ERBB4: variants seen among roughly 807,000 people sequenced by gnomAD.
ERBB4 encodes the protein receptor tyrosine-protein kinase erbB-4.
A neutral mutation model predicts 158.0 loss-of-function variants in ERBB4; 42 were observed. The observed-to-expected ratio is 0.27, with a 90% CI of 0.21 to 0.34. ERBB4 has a LOEUF of 0.34. Ranked by LOEUF, ERBB4 falls within the 10% of genes least tolerant of loss-of-function variation. The pLI, the probability that ERBB4 is intolerant of heterozygous loss-of-function variation, is 1.00. For synonymous variants in ERBB4, 583 were observed against 558.7 expected (o/e 1.04, Z -0.61); for missense variants, 1,333 against 1,624.1 (o/e 0.82, Z 3.08).
chr2:212,267,412 CA>C (rs1245378062), intron 1 of ERBB4, among the ~76,000 whole-genome samples: 1 of 151,426 alleles, frequency 6.6e-6, no homozygotes, highest in Non-Finnish European at 1.5e-5. Flanking sequence ...AAAACAAGAA[CA>C]AAAAACTTCT....
chr2:211,407,141 C>A (rs1028805831), intron 25 of ERBB4, among the ~76,000 whole-genome samples: 3 of 152,010 alleles, frequency 2.0e-5, no homozygotes, highest in Non-Finnish European at 4.4e-5. Flanking sequence ...ATTTAATAAA[C>A]TAATAAATAT....
intron 1 of ERBB4, among the ~76,000 whole-genome samples, chr2:212,454,987 A>G (rs1688207161): frequency 6.6e-6 from 1 of 152,196 alleles, no homozygotes; most frequent in Non-Finnish European, 1.5e-5. Context: ...CAAAGTGTCA[A>G]TATTATTATG....
At chr2:212,178,325 A>G (rs536066988) in intron 1 of ERBB4, among the ~76,000 whole-genome samples, 1 of 151,726 alleles carries the variant, frequency 6.6e-6, no homozygotes, top group South Asian at 2.1e-4. Flanking sequence ...AGAGGACACT[A>G]AAGGATTTCA....
At chr2:211,473,729 G>A (rs1205389803) in intron 20 of ERBB4, among the ~76,000 whole-genome samples, 3 of 151,976 alleles carry the variant, frequency 2.0e-5, no homozygotes, top group African/African-American at 7.3e-5. Flanking sequence ...GGGAGCCAGG[G>A]AGATGGGAGC....
At chr2:211,550,016 T>G (rs1343502013) in intron 20 of ERBB4, among the ~76,000 whole-genome samples, 1 of 152,118 alleles carries the variant, frequency 6.6e-6, no homozygotes, top group African/African-American at 2.4e-5. Context: ...TTTCCCCAGC[T>G]TTATTGGGGT....
At chr2:211,861,484 C>T (rs1041002227) in intron 3 of ERBB4, among the ~76,000 whole-genome samples, 10 of 150,890 alleles carry the variant, frequency 6.6e-5, no homozygotes, top group African/African-American at 1.5e-4. Context: ...ATTACAGACA[C>T]GAGTCACTAC....
At chr2:212,247,649 T>A (rs2084360806) in intron 1 of ERBB4, among the ~76,000 whole-genome samples, 1 of 152,154 alleles carries the variant, frequency 6.6e-6, no homozygotes, top group Admixed American at 6.6e-5. Flanking sequence ...ATTTAATATT[T>A]TATCATAGTA....
chr2:211,476,446 T>C (rs919798794), intron 20 of ERBB4, among the ~76,000 whole-genome samples: 8 of 151,968 alleles, frequency 5.3e-5, no homozygotes, highest in African/African-American at 1.9e-4. Flanking sequence ...GGGAAGGATT[T>C]ATTGGGTTTG....
intron 19 of ERBB4, among the ~76,000 whole-genome samples, chr2:211,608,262 A>G (rs1193361309): frequency 6.6e-6 from 1 of 152,166 alleles, no homozygotes. Flanking sequence ...GCTGAAGGAA[A>G]TCAGAAGAAA....
intron 1 of ERBB4, among the ~76,000 whole-genome samples, chr2:212,301,970 C>A (rs1328518808): frequency 1.3e-5 from 2 of 151,386 alleles, no homozygotes; most frequent in East Asian, 1.9e-4. Context: ...GCAGGGGTAT[C>A]CTATGTCACT....
chr2:212,094,421 C>T (rs1399977245), intron 2 of ERBB4, among the ~76,000 whole-genome samples: 2 of 150,698 alleles, frequency 1.3e-5, no homozygotes, highest in Non-Finnish European at 3.0e-5. Flanking sequence ...TTCATAATTA[C>T]TCTATTTTTA....
chr2:211,950,256 G>A (rs1367304108), intron 2 of ERBB4, among the ~76,000 whole-genome samples: 2 of 152,120 alleles, frequency 1.3e-5, no homozygotes, highest in Non-Finnish European at 2.9e-5. Context: ...AGGAATAGGT[G>A]GTCCAGGTGT....
At chr2:212,006,216 G>GA (rs1314872417) in intron 2 of ERBB4, among the ~76,000 whole-genome samples, 2 of 151,854 alleles carry the variant, frequency 1.3e-5, no homozygotes, top group South Asian at 2.1e-4. Flanking sequence ...TATTCTTTGA[G>GA]AAAAAATAAC....
intron 20 of ERBB4, among the ~76,000 whole-genome samples, chr2:211,469,363 G>A (rs2064775999): frequency 6.6e-6 from 1 of 152,134 alleles, no homozygotes; most frequent in Non-Finnish European, 1.5e-5. Flanking sequence ...TGGTAAATAA[G>A]ACACACTTTC....
At chr2:211,772,848 T>TACACACAC (rs2075736543) in intron 4 of ERBB4, among the ~76,000 whole-genome samples, 1 of 64,308 alleles carries the variant, frequency 1.6e-5, no homozygotes, top group South Asian at 6.3e-4. Flanking sequence ...CATATATATA[T>TACACACAC]ATATATATAT....
chr2:211,656,814 T>C (rs2071234505), intron 16 of ERBB4, among the ~76,000 whole-genome samples: 1 of 152,198 alleles, frequency 6.6e-6, no homozygotes, highest in Non-Finnish European at 1.5e-5. Context: ...GTTTGTTCCT[T>C]TTTATTCTAT....
At chr2:211,769,386 C>T (rs868802786) in intron 4 of ERBB4, among the ~76,000 whole-genome samples, 3 of 152,166 alleles carry the variant, frequency 2.0e-5, no homozygotes, top group Non-Finnish European at 4.4e-5. Context: ...TGCCTGTTGT[C>T]CATTTCCAAA....
intron 25 of ERBB4, among the ~76,000 whole-genome samples, chr2:211,409,924 A>C (rs1474580751): frequency 6.6e-6 from 1 of 152,226 alleles, no homozygotes; most frequent in Non-Finnish European, 1.5e-5. Context: ...CTCCGCGAGT[A>C]CATAGTTACT....
chr2:212,253,412 C>A (rs938480327), intron 1 of ERBB4, among the ~76,000 whole-genome samples: 5 of 151,834 alleles, frequency 3.3e-5, no homozygotes, highest in African/African-American at 1.2e-4. Context: ...TATCAGTTTT[C>A]TCATTACTTT....
Sources: allele counts gnomAD v4.1 joint callset (sites outside exome capture counted in the v4.1 genomes callset), GRCh38; gene constraint gnomAD v4.1.1; transcripts MANE v1.5; gene names NCBI Gene and HGNC (gene_info 2026-07-23, HGNC 2026-07-21).